The following FBXO22 variants were observed in gnomAD, a reference collection of about 807,000 sequenced individuals.
FBXO22 encodes F-box only protein 22.
Under a neutral mutation model 37.2 loss-of-function variants are expected in FBXO22, and 13 were observed. The ratio of observed to expected loss-of-function variants is 0.35; its 90% CI spans 0.23 to 0.56. The LOEUF (loss-of-function observed/expected upper bound fraction) is 0.56, where lower values mean the gene tolerates loss of function less well. Among genes scored for constraint, FBXO22 ranks in the 20% least tolerant of loss-of-function variants. The pLI is 0.87. For missense variants in FBXO22, 446 were observed against 509.9 expected, an observed-to-expected ratio of 0.87 and a Z score of 1.21; for synonymous variants, 189 against 189.1, an observed-to-expected ratio of 1.00 and a Z score of 0.00.
chr15:75,930,244 T>C, intron 6 of FBXO22, 195 bp downstream of exon 6: 1 of 1,432,486 alleles, frequency 7.0e-7, no homozygotes, highest in Non-Finnish European at 9.1e-7. Context: ...TACATTTTTA[T>C]ATATATTGTC....
In FBXO22 at chr15:75,939,751, T is replaced by C. The variant is rs1004130134; in HGVS notation, c.*6649T>C. ...TCAACATACAAAAATCAATATAATA[T>C]ACTACATTAACAGAACGAAGCGAGA... On this transcript the variant is annotated 3_prime_UTR_variant, in exon 7 of 7. Transcript: ENST00000308275. 6.6e-6 allele frequency: 1 copy of C among 152,052 alleles called. No individual in the cohort carries two copies. The highest frequency in any genetic ancestry group is 2.4e-5 in the African/African-American group (1 of 41,408). The allele number at this position is 152,052 out of a possible 1,614,324, so 9.4% of individuals were successfully genotyped here.
Position 75,941,752 on chromosome 15 carries a change from G to C in FBXO22, c.*8650G>C, listed in dbSNP as rs1261223751. ...CAAAGATTACGTTTTGTCACAGGGA[G>C]CAGGAGGGAATGGGAATTTATTGTT... On this transcript the variant is annotated 3_prime_UTR_variant, in exon 7 of 7. Transcript: ENST00000308275. 2 of 152,064 alleles carry C rather than the reference G, an allele frequency of 1.3e-5. No individual in the cohort carries two copies. The highest frequency in any genetic ancestry group is 2.9e-5 in the Non-Finnish European group (2 of 67,992). The allele number at this position is 152,064 out of a possible 1,614,324, so 9.4% of individuals were successfully genotyped here.
intron 5 of FBXO22, among the ~76,000 whole-genome samples, chr15:75,921,530 G>T (rs182241233): frequency 1.0e-3 from 154 of 152,224 alleles, no homozygotes; most frequent in African/African-American, 3.5e-3. Flanking sequence ...GGGCATAGTG[G>T]TGTGCGCCTG....
chr15:75,930,869 A>G (rs2029984679), intron 6 of FBXO22: 6 of 980,358 alleles, frequency 6.1e-6, no homozygotes, highest in Non-Finnish European at 7.3e-6. Context: ...GTTGCAGATC[A>G]GTATCTATAA....
intron 4 of FBXO22, among the ~76,000 whole-genome samples, chr15:75,917,003 A>T (rs542448394): frequency 6.6e-6 from 1 of 152,178 alleles, no homozygotes; most frequent in Non-Finnish European, 1.5e-5. Flanking sequence ...CAGTTGAAAA[A>T]ATTTTGCAAC....
At position 75,933,714 on chromosome 15, in the gene FBXO22, T is replaced by C; in HGVS notation, c.*612T>C. On this transcript the variant is annotated 3_prime_UTR_variant, in exon 7 of 7. Transcript: ENST00000308275. ...TTATAAGTAAAAGATTTTTCTTCTT[T>C]CCTTAAAAATATTTTTTTTTCACCT... is the stretch of plus-strand genomic sequence containing the variant. 3.3e-6 allele frequency: 1 copy of C among 301,486 alleles called. No individual in the cohort carries two copies. The highest frequency in any genetic ancestry group is 2.8e-5 in the South Asian group (1 of 35,308). The allele number at this position is 301,486 out of a possible 1,614,324, so 18.7% of individuals were successfully genotyped here.
At chr15:75,909,837 TACACGTGC>T (rs1900013495) in intron 2 of FBXO22, among the ~76,000 whole-genome samples, 1 of 151,486 alleles carries the variant, frequency 6.6e-6, no homozygotes, top group African/African-American at 2.4e-5. Context: ...TACATAGGTA[TACACGTGC>T]CATGGTGGTT....
intron 2 of FBXO22, among the ~76,000 whole-genome samples, chr15:75,906,994 CA>C (rs1200598527): frequency 6.6e-6 from 1 of 151,650 alleles, no homozygotes; most frequent in Non-Finnish European, 1.5e-5. Context: ...TTATTAAAGA[CA>C]AAAAAGGGAG....
Position 75,903,909 on chromosome 15 carries a change from C to G in FBXO22, c.-55C>G. 1 of 1,448,382 alleles carries G rather than the reference C, an allele frequency of 6.9e-7. No individual in the cohort carries two copies. The highest frequency in any genetic ancestry group is 1.4e-5 in the South Asian group (1 of 71,422). The allele number at this position is 1,448,382 out of a possible 1,614,324, so 89.7% of individuals were successfully genotyped here. A position where few individuals can be genotyped will look rare whatever the true frequency, so the allele number is the denominator to read the frequency against. ...CGCCGGCCGGGCAACCCTATGCTGG[C>G]GTAATCGGGTTCCTCCGAGCCGCCG... On this transcript the variant is annotated 5_prime_UTR_variant, in exon 1 of 7. Transcript: ENST00000308275.
chr15:75,904,271 G>A, intron 1 of FBXO22, 168 bp downstream of exon 1: 1 of 1,146,726 alleles, frequency 8.7e-7, no homozygotes. Flanking sequence ...CAGCCGTGGT[G>A]CCCCGGGGGG....
In FBXO22 at chr15:75,936,003, G is replaced by A. The variant is rs1055895152; in HGVS notation, c.*2901G>A. ...GGGGTTTCACCGTGTTAGCCAAGATGGTCTCGATCTCCTGACCTTGTGATC... is the reference window on the plus strand; with the variant it reads ...GGGGTTTCACCGTGTTAGCCAAGATAGTCTCGATCTCCTGACCTTGTGATC... On this transcript the variant is annotated 3_prime_UTR_variant, in exon 7 of 7. Coordinates refer to ENST00000308275, the MANE Select transcript of FBXO22 (RefSeq NM_147188.3). The A allele has an allele frequency of 1.3e-5, 2 of 152,078 alleles. No individual in the cohort carries two copies. Among genetic ancestry groups the A allele is most frequent in the African/African-American group, 4.8e-5 (2 of 41,400 alleles). 9.4% of individuals were successfully genotyped at this position (152,078 alleles called of 1,614,324 possible). A position where few individuals can be genotyped will look rare whatever the true frequency, so the allele number is the denominator to read the frequency against.
In FBXO22 at chr15:75,906,896, TA is replaced by T. The variant is rs548524923; in HGVS notation, c.279+2268del. On this transcript the variant is annotated intron_variant, in intron 2 of 6. Transcript: ENST00000308275. ...TCTAATAAATAAAGCTATTAAATTA[TA>T]GACTGCAAATGCATTAATGACAAGA... 2.6e-4 allele frequency among the ~76,000 whole-genome samples: 40 copies of T among 152,310 alleles called. No individual in the cohort carries two copies. In the East Asian group the frequency reaches 3.5e-3, roughly 13 times the overall value.
Position 75,934,845 on chromosome 15 carries a change from T to A in FBXO22, c.*1743T>A, listed in dbSNP as rs927707628. On this transcript the variant is annotated 3_prime_UTR_variant, in exon 7 of 7. Transcript: ENST00000308275. ...TGAATAGTAGAGGAAAAGGGATTTTTAAAACTGAAAATATGAACAAAATGA... is the reference window on the plus strand; with the variant it reads ...TGAATAGTAGAGGAAAAGGGATTTTAAAAACTGAAAATATGAACAAAATGA... The A allele has an allele frequency of 6.6e-6, 1 of 152,230 alleles. No homozygotes were observed. The highest frequency in any genetic ancestry group is 2.4e-5 in the African/African-American group (1 of 41,478). The allele number at this position is 152,230 out of a possible 1,614,324, so 9.4% of individuals were successfully genotyped here. A position where few individuals can be genotyped will look rare whatever the true frequency, so the allele number is the denominator to read the frequency against.
rs188878589 is a variant in FBXO22 at position 75,921,623 on chromosome 15, T to C, written c.628+4229T>C. ...TTGTAGTAAGCCAAGATTACACCAC[T>C]GCACTCCAGCCTGGGCGACAGCGAG... On this transcript the variant is annotated intron_variant, in intron 5 of 6. Coordinates refer to ENST00000308275, the MANE Select transcript of FBXO22 (RefSeq NM_147188.3). Among the ~76,000 whole-genome samples the C allele has an allele frequency of 3.1e-3, 270 of 88,232 alleles. 3 individuals carry two copies. Among genetic ancestry groups the C allele is most frequent in the African/African-American group, 8.4e-3 (252 of 29,928 alleles). The allele number at this position is 88,232 out of a possible 152,430, so 57.9% of individuals were successfully genotyped here.
rs1010340998 is a variant in FBXO22 at position 75,935,839 on chromosome 15, T to C, written c.*2737T>C. The C allele has an allele frequency of 2.0e-5, 3 of 152,058 alleles. No homozygotes were observed. The highest frequency in any genetic ancestry group is 4.4e-5 in the Non-Finnish European group (3 of 68,016). 9.4% of individuals were successfully genotyped at this position (152,058 alleles called of 1,614,324 possible). ...GTCCCGCTCTTTAGCCCAGGCCGGATTGCAATGGCACAATCTTGGCTCACT... is the reference window on the plus strand; with the variant it reads ...GTCCCGCTCTTTAGCCCAGGCCGGACTGCAATGGCACAATCTTGGCTCACT... On this transcript the variant is annotated 3_prime_UTR_variant, in exon 7 of 7. Coordinates refer to ENST00000308275, the MANE Select transcript of FBXO22 (RefSeq NM_147188.3).
Position 75,939,196 on chromosome 15 carries a change from A to G in FBXO22, c.*6094A>G, listed in dbSNP as rs1483987967. 6.6e-6 allele frequency: 1 copy of G among 152,080 alleles called. No homozygotes were observed. The highest frequency in any genetic ancestry group is 1.5e-5 in the Non-Finnish European group (1 of 67,980). 9.4% of individuals were successfully genotyped at this position (152,080 alleles called of 1,614,324 possible). The stretch of plus-strand genomic sequence containing the variant: ...AAAAGACCATAAAGTTGGAAAGCCT[A>G]TGCGTAGATAGACTAAGAAAAAAAG... On this transcript the variant is annotated 3_prime_UTR_variant, in exon 7 of 7. Coordinates refer to ENST00000308275, the MANE Select transcript of FBXO22 (RefSeq NM_147188.3).
rs893196367 is a variant in FBXO22, at chr15:75,940,954, T to C, written c.*7852T>C. ...GAAAAAATAGGCAAATTATACTTCA[T>C]TAAAATTTTGTGCATCAAAGAACAC... On this transcript the variant is annotated 3_prime_UTR_variant, in exon 7 of 7. Coordinates refer to ENST00000308275, the MANE Select transcript of FBXO22 (RefSeq NM_147188.3). The C allele has an allele frequency of 1.3e-5, 2 of 152,112 alleles. No individual in the cohort carries two copies. The highest frequency in any genetic ancestry group is 1.3e-4 in the Admixed American group (2 of 15,278). 9.4% of individuals were successfully genotyped at this position (152,112 alleles called of 1,614,324 possible).
chr15:75,916,815 T>G (rs1303362510), intron 4 of FBXO22, among the ~76,000 whole-genome samples: 1 of 150,932 alleles, frequency 6.6e-6, no homozygotes, highest in Non-Finnish European at 1.5e-5. Context: ...ATAAAATACT[T>G]GGGTATATAT....
intron 6 of FBXO22, chr15:75,930,733 A>G (rs1433894431): frequency 3.0e-6 from 3 of 985,354 alleles, no homozygotes; most frequent in Non-Finnish European, 3.6e-6. Flanking sequence ...TTAGGTGGAC[A>G]TAAATATCAT....
Sources: gnomAD v4.1 joint callset for allele counts (sites outside exome capture counted in the v4.1 genomes callset) on GRCh38, gnomAD v4.1.1 for gene constraint, MANE v1.5 for transcripts, NCBI Gene and HGNC (gene_info 2026-07-23, HGNC 2026-07-21) for gene names.